Variants in EPS8L1 observed in about 807,000 individuals in gnomAD.
EPS8L1 encodes EPS8 signaling adaptor L1, also known as epidermal growth factor receptor kinase substrate 8-like protein 1.
EPS8L1 carries 101 observed loss-of-function variants against 91.7 expected under a neutral mutation model. The observed-to-expected ratio is 1.10, with a 90% CI of 0.94 to 1.30. The LOEUF is 1.30. EPS8L1 is among the 50% of genes most tolerant of loss of function. The probability of loss-of-function intolerance (pLI) is 0.00; values close to 1 mark genes in which losing one functional copy is unlikely to be tolerated. For missense variants in EPS8L1, 1,114 were observed against 1,017.0 expected (o/e 1.10, Z -1.30); for synonymous variants, 506 against 445.3 (o/e 1.14, Z -1.72).
Position 55,087,041 on chromosome 19 carries a change from T to A in EPS8L1, c.1952+153T>A. ...GGGTCTGTCTGGTAGCAACACCCAA[T>A]GGCAGGCTGTGATTGCCATGTTTTT... On this transcript the variant is annotated intron_variant, in intron 18 of 19. Transcript: ENST00000201647. The A allele has an allele frequency of 4.5e-6, 5 of 1,110,016 alleles. No homozygotes were observed. In the South Asian group the frequency reaches 8.5e-5, roughly 19 times the overall value. 68.8% of individuals were successfully genotyped at this position (1,110,016 alleles called of 1,614,324 possible).
At position 55,083,718 on chromosome 19, in the gene EPS8L1, G is replaced by T; in HGVS notation, c.1385+74G>T. The T allele has an allele frequency of 1.3e-6, 2 of 1,495,694 alleles. No individual in the cohort carries two copies. The highest frequency in any genetic ancestry group is 9.0e-7 in the Non-Finnish European group (1 of 1,108,160). The allele number at this position is 1,495,694 out of a possible 1,614,324, so 92.7% of individuals were successfully genotyped here. ...CCCGGGGGCTCCCGATGCTGACTCCGCCCCCTTTTTTTCTGTGTTTTTCCT... is the reference window on the plus strand; with the variant it reads ...CCCGGGGGCTCCCGATGCTGACTCCTCCCCCTTTTTTTCTGTGTTTTTCCT... On this transcript the variant is annotated intron_variant, in intron 14 of 19. Coordinates refer to ENST00000201647, the MANE Select transcript of EPS8L1 (RefSeq NM_133180.3). The surrounding 1 kb of genome is among the most constrained non-coding windows in gnomAD (Gnocchi z 4.7).
At chr19:55,082,683 G>A (rs993042119) in intron 12 of EPS8L1, 81 bp downstream of exon 12, 2 of 1,352,124 alleles carry the variant, frequency 1.5e-6, no homozygotes, top group Non-Finnish European at 2.0e-6. Context: ...ATGATGATTG[G>A]AAAATAGGAC....
rs372280858 is a variant in EPS8L1 at position 55,086,679 on chromosome 19, C to G, written c.1778-35C>G. The G allele has an allele frequency of 9.0e-6, 13 of 1,445,536 alleles. No homozygotes were observed. In the African/African-American group the frequency reaches 1.7e-4, roughly 19 times the overall value. 89.5% of individuals were successfully genotyped at this position (1,445,536 alleles called of 1,614,324 possible). A position where few individuals can be genotyped will look rare whatever the true frequency, so the allele number is the denominator to read the frequency against. On this transcript the variant is annotated intron_variant, in intron 17 of 19. Coordinates refer to ENST00000201647, the MANE Select transcript of EPS8L1 (RefSeq NM_133180.3). ...TGGCCCCAGGACCCCTCGCCCTGAG[C>G]CCGCACTCCCTACCTCCCGGTTTCC...
rs764435074 is a variant in EPS8L1 at position 55,087,455 on chromosome 19, C to G, written c.2085+20C>G. 1.2e-6 allele frequency: 2 copies of G among 1,614,124 alleles called. No homozygotes were observed. Among genetic ancestry groups the G allele is most frequent in the South Asian group, 1.1e-5 (1 of 91,082 alleles). On this transcript the variant is annotated intron_variant, in intron 19 of 19. Coordinates refer to ENST00000201647, the MANE Select transcript of EPS8L1 (RefSeq NM_133180.3). ...CTGGAGGTGAGCCGGACCGCTGGTC[C>G]CTGGGTCTGGGTAGGGTTGGGATGA...
rs1317840814 is a variant in EPS8L1 at position 55,078,078 on chromosome 19, T to C, written c.18-10T>C. The C allele has an allele frequency of 6.2e-7, 1 of 1,613,718 alleles. No homozygotes were observed. On this transcript the variant is annotated splice_polypyrimidine_tract_variant and intron_variant, in intron 2 of 19. Transcript: ENST00000201647. Reference sequence around the variant, plus strand: ...CCCACAGTCTCTCTCATTCCTCTTTTCTTCACCAGCCCAGAAGCTGCCCCA... The same window carrying C: ...CCCACAGTCTCTCTCATTCCTCTTTCCTTCACCAGCCCAGAAGCTGCCCCA...
intron 14 of EPS8L1, 173 bp from the exon 15 acceptor site, chr19:55,085,668 G>A (rs1159853416): frequency 9.8e-6 from 7 of 716,752 alleles, no homozygotes; most frequent in African/African-American, 8.9e-5. Flanking sequence ...AAGCAACGGA[G>A]GGAGCAAATA....
chr19:55,083,364 G>A lies in EPS8L1; in HGVS notation c.1215-14G>A, dbSNP rs2076310647. On this transcript the variant is annotated splice_polypyrimidine_tract_variant and intron_variant, in intron 12 of 19. Coordinates refer to ENST00000201647, the MANE Select transcript of EPS8L1 (RefSeq NM_133180.3). This position sits in a 1 kb window ranked among gnomAD's most constrained non-coding sequence, Gnocchi z 4.7. ...TCAGGATCCCTGAGCTCTTGGCCCT[G>A]TCCCTGGCCGCAGGCTGGAGCTGTC... The A allele has an allele frequency of 1.2e-6, 2 of 1,611,622 alleles. No homozygotes were observed. The highest frequency in any genetic ancestry group is 1.3e-5 in the African/African-American group (1 of 75,008).
rs771224610 is a variant in EPS8L1, at chr19:55,078,993, T to C, written c.59-6T>C. The C allele has an allele frequency of 1.2e-6, 2 of 1,613,794 alleles. No homozygotes were observed. Among genetic ancestry groups the C allele is most frequent in the South Asian group, 2.2e-5 (2 of 91,084 alleles). ...TCCCAGGCTCATTCTCTTTCTCCCC[T>C]GGCAGAGCAGAGGAAGCGTTACTCC... On this transcript the variant is annotated splice_polypyrimidine_tract_variant and splice_region_variant and intron_variant, in intron 3 of 19. Transcript: ENST00000201647.
intron 1 of EPS8L1, among the ~76,000 whole-genome samples, chr19:55,076,202 AG>A (rs1351986473): frequency 5.9e-5 from 3 of 51,230 alleles, no homozygotes; most frequent in Non-Finnish European, 4.1e-5. Context: ...CTGAGGGAGG[AG>A]GGGACTGGGG....
At chr19:55,087,178 G>C in intron 18 of EPS8L1, 125 bp from the exon 19 acceptor site, 3 of 1,399,294 alleles carry the variant, frequency 2.1e-6, no homozygotes, top group African/African-American at 1.4e-5. Context: ...AGGAGGTGTC[G>C]GGCCTGCCCC....
Position 55,082,360 on chromosome 19 carries a change from C to T in EPS8L1, c.1065+11C>T. The T allele has an allele frequency of 1.2e-6, 2 of 1,612,732 alleles. No individual in the cohort carries two copies. Among genetic ancestry groups the T allele is most frequent in the Non-Finnish European group, 8.5e-7 (1 of 1,179,856 alleles). On this transcript the variant is annotated intron_variant, in intron 11 of 19. Transcript: ENST00000201647. ...GGGCCTCTGCAGATGGTGAGACCCG[C>T]CCCAGGCCCTCGGGCCCCCCTGCAG...
At position 55,087,326 on chromosome 19, in the gene EPS8L1, T is replaced by C; in HGVS notation, c.1976T>C (p.Leu659Pro). Residue 659 changes from leucine (L) to proline (P), a missense_variant, in exon 19 of 20, where the codon CTG (leucine) becomes CCG (proline). Physicochemically the swap from Leu to Pro is moderately conservative, Grantham distance 98 (BLOSUM62 -3). Transcript: ENST00000201647. ...AGGACCGTGGACGCGCTGGGTGTGC[T>C]GACCGGGGCGCAGCTTTTCTCGCTG... The part of the protein sequence containing the change: ...SSGTVDALGV[L>P]TGAQLFSLQK... 1 of 1,610,816 alleles carries C rather than the reference T, an allele frequency of 6.2e-7. No homozygotes were observed. Among genetic ancestry groups the C allele is most frequent in the Non-Finnish European group, 8.5e-7 (1 of 1,179,256 alleles).
rs756268901 is a variant in EPS8L1 at position 55,083,788 on chromosome 19, C to T, written c.1385+144C>T. The stretch of plus-strand genomic sequence containing the variant: ...TCAGGTGGGTGAGATGGTGATGGGG[C>T]GGGCCGGGGCTGGGAGAGAGGGAGG... On this transcript the variant is annotated intron_variant, in intron 14 of 19. Coordinates refer to ENST00000201647, the MANE Select transcript of EPS8L1 (RefSeq NM_133180.3). The surrounding 1 kb of genome is among the most constrained non-coding windows in gnomAD (Gnocchi z 4.7). 5.2e-6 allele frequency: 1 copy of T among 191,758 alleles called. No individual in the cohort carries two copies. The highest frequency in any genetic ancestry group is 9.7e-6 in the Non-Finnish European group (1 of 103,388). The allele number at this position is 191,758 out of a possible 1,614,324, so 11.9% of individuals were successfully genotyped here. A position where few individuals can be genotyped will look rare whatever the true frequency, so the allele number is the denominator to read the frequency against.
In EPS8L1 at chr19:55,078,108, C is replaced by T; in HGVS notation, c.38C>T (p.Pro13Leu). Reference protein sequence around the residue: ...TATGPEAAPKPSAKSIYEQRK... With the variant: ...TATGPEAAPKLSAKSIYEQRK... ...ACCAGCCCAGAAGCTGCCCCAAAGC[C>T]AAGCGCCAAGTCTATCTATGGTGAG... The change falls in exon 3 of 20, where the codon CCA becomes CTA. Residue 13 changes from proline (P) to leucine (L), a missense_variant. Physicochemically the swap from Pro to Leu is moderately conservative, Grantham distance 98. Transcript: ENST00000201647. 1 of 1,613,838 alleles carries T rather than the reference C, an allele frequency of 6.2e-7. No individual in the cohort carries two copies.
At position 55,083,508 on chromosome 19, in the gene EPS8L1, A is replaced by G; in HGVS notation, c.1345A>G (p.Arg449Gly). ...TGAGAAACAGCTACAGCACGAGCGG[A>G]GGCGCCGGCAGGTGACCCAAGCGAC... ...PVEKQLQHER[R>G]RRQQSAPQVA... Residue 449 changes from arginine to glycine, a missense_variant, in exon 13 of 20, where the codon AGG becomes GGG. Coordinates refer to ENST00000201647, the MANE Select transcript of EPS8L1 (RefSeq NM_133180.3). The surrounding 1 kb of genome is among the most constrained non-coding windows in gnomAD (Gnocchi z 4.7). 1 of 1,610,066 alleles carries G rather than the reference A, an allele frequency of 6.2e-7. No individual in the cohort carries two copies. Among genetic ancestry groups the G allele is most frequent in the Non-Finnish European group, 8.5e-7 (1 of 1,178,590 alleles).
chr19:55,081,935 C>T lies in EPS8L1; in HGVS notation c.901+36C>T, dbSNP rs746350983. 6.3e-7 allele frequency: 1 copy of T among 1,595,534 alleles called. No homozygotes were observed. Among genetic ancestry groups the T allele is most frequent in the Non-Finnish European group, 8.5e-7 (1 of 1,170,790 alleles). On this transcript the variant is annotated intron_variant, in intron 9 of 19. Coordinates refer to ENST00000201647, the MANE Select transcript of EPS8L1 (RefSeq NM_133180.3). The surrounding 1 kb of genome is among the most constrained non-coding windows in gnomAD (Gnocchi z 4.9). The stretch of plus-strand genomic sequence containing the variant: ...CCCTGGCGTGGGATCTGAACCCCCT[C>T]CCGATCTCTTCCAAATGTCCCCGCT...
At chr19:55,086,919 G>A (rs2076358933) in intron 18 of EPS8L1, 31 bp downstream of exon 18, 2 of 1,409,886 alleles carry the variant, frequency 1.4e-6, no homozygotes, top group South Asian at 1.6e-5. Flanking sequence ...CTCGGCGCGG[G>A]TTGATACGGA....
At chr19:55,079,084 G>T in intron 4 of EPS8L1, 27 bp downstream of exon 4, 1 of 1,613,368 alleles carries the variant, frequency 6.2e-7, no homozygotes, top group Non-Finnish European at 8.5e-7. Flanking sequence ...TGTTCCCCCA[G>T]GACATCTTCT....
rs1337435064 is a variant in EPS8L1 at position 55,083,767 on chromosome 19, G to C, written c.1385+123G>C. ...CTTCTGTCTTCCTGGCTCTTCTCAG[G>C]TGGGTGAGATGGTGATGGGGCGGGC... is the stretch of plus-strand genomic sequence containing the variant. On this transcript the variant is annotated intron_variant, in intron 14 of 19. Transcript: ENST00000201647. This position sits in a 1 kb window ranked among gnomAD's most constrained non-coding sequence, Gnocchi z 4.7. 10 of 1,340,396 alleles carry C rather than the reference G, an allele frequency of 7.5e-6. No homozygotes were observed. The highest frequency in any genetic ancestry group is 1.4e-5 in the African/African-American group (1 of 68,972). 83.0% of individuals were successfully genotyped at this position (1,340,396 alleles called of 1,614,324 possible). A position where few individuals can be genotyped will look rare whatever the true frequency, so the allele number is the denominator to read the frequency against.
Sources: allele counts gnomAD v4.1 joint callset (sites outside exome capture counted in the v4.1 genomes callset), GRCh38; gene constraint gnomAD v4.1.1; non-coding constraint Gnocchi (gnomAD v3.1); transcripts MANE v1.5; gene names NCBI Gene and HGNC (gene_info 2026-07-23, HGNC 2026-07-21).